SNTG2: variants seen among roughly 807,000 people sequenced by gnomAD.
SNTG2 encodes the protein syntrophin gamma 2, also known as gamma-2-syntrophin.
In SNTG2, 74 loss-of-function variants were observed where a neutral mutation model predicts 70.9. That is an observed-to-expected ratio of 1.04 (90% CI 0.86 to 1.27). The LOEUF (loss-of-function observed/expected upper bound fraction) is 1.27. Ranked by LOEUF, SNTG2 falls within the 50% of genes most tolerant of loss-of-function variation. The probability of loss-of-function intolerance (pLI) is 0.00; values close to 1 mark genes in which losing one functional copy is unlikely to be tolerated. For missense variants in SNTG2, 717 were observed against 690.7 expected (o/e 1.04, Z -0.43); for synonymous variants, 278 against 273.8 (o/e 1.02, Z -0.15).
intron 8 of SNTG2, among the ~76,000 whole-genome samples, chr2:1,175,310 G>C (rs563481059): frequency 6.6e-6 from 1 of 152,286 alleles, no homozygotes; most frequent in South Asian, 2.1e-4. Flanking sequence ...AATATCAATG[G>C]CAATATCACA....
rs73908977 is a variant in SNTG2 at position 1,259,994 on chromosome 2, C to T, written c.1077+553C>T. On this transcript the variant is annotated intron_variant, in intron 13 of 16. Transcript: ENST00000308624. ...GTGTCTCCACAGCAAGGCGACGATGCGCTCACCGTGGCCGGGTGCCACCGT... is the reference window on the plus strand; with the variant it reads ...GTGTCTCCACAGCAAGGCGACGATGTGCTCACCGTGGCCGGGTGCCACCGT... Among the ~76,000 whole-genome samples the T allele has an allele frequency of 6.1e-3, 931 of 152,324 alleles. 10 individuals are homozygous for T. The highest frequency in any genetic ancestry group is 0.021 in the African/African-American group (881 of 41,574).
intron 8 of SNTG2, among the ~76,000 whole-genome samples, chr2:1,178,459 T>G (rs908690235): frequency 6.6e-6 from 1 of 152,158 alleles, no homozygotes; most frequent in Non-Finnish European, 1.5e-5. Flanking sequence ...TAGCTCTTAT[T>G]ATTTTGAGAT....
At chr2:985,056 C>G (rs546301209) in intron 1 of SNTG2, among the ~76,000 whole-genome samples, 1 of 152,216 alleles carries the variant, frequency 6.6e-6, no homozygotes, top group South Asian at 2.1e-4. Flanking sequence ...AAACAATCAC[C>G]TCAATTTGTG....
At chr2:1,273,767 A>G (rs1679154774) in intron 14 of SNTG2, among the ~76,000 whole-genome samples, 1 of 151,980 alleles carries the variant, frequency 6.6e-6, no homozygotes, top group African/African-American at 2.4e-5. Context: ...TTTCTCAGAT[A>G]CAAAACCAGA....
At chr2:991,268 A>G (rs62106780) in intron 1 of SNTG2, among the ~76,000 whole-genome samples, 13,192 of 152,084 alleles carry the variant, frequency 0.087, 754 homozygotes, top group South Asian at 0.21. Flanking sequence ...TGAATGCCAC[A>G]ACCTCAAAGA....
chr2:1,177,667 T>G (rs1671573830), intron 8 of SNTG2, among the ~76,000 whole-genome samples: 1 of 150,726 alleles, frequency 6.6e-6, no homozygotes, highest in Non-Finnish European at 1.5e-5. Context: ...CAAACGTGCT[T>G]CAAAAGAAAA....
intron 1 of SNTG2, among the ~76,000 whole-genome samples, chr2:1,079,991 G>A (rs1346304865): frequency 6.6e-6 from 1 of 152,206 alleles, no homozygotes; most frequent in Non-Finnish European, 1.5e-5. Context: ...TGCTCACCAC[G>A]CATCTGCCAC....
intron 13 of SNTG2, among the ~76,000 whole-genome samples, chr2:1,261,610 C>T (rs1031256409): frequency 6.6e-6 from 1 of 152,132 alleles, no homozygotes; most frequent in Admixed American, 6.5e-5. Flanking sequence ...CACTATGGAG[C>T]GTCCTGTGTG....
chr2:1,021,936 CTTTTTTTT>C (rs71392556), intron 1 of SNTG2, among the ~76,000 whole-genome samples: 1 of 121,142 alleles, frequency 8.3e-6, no homozygotes, highest in African/African-American at 3.2e-5. Flanking sequence ...GTTTTATGTG[CTTTTTTTT>C]TTTTTTTTTT....
chr2:1,267,664 G>C (rs1010014155), intron 14 of SNTG2, 93 bp downstream of exon 14: 1 of 1,159,400 alleles, frequency 8.6e-7, no homozygotes, highest in Non-Finnish European at 1.2e-6. Context: ...CGGGGGAAAA[G>C]AGGAATCTTC....
Position 1,317,860 on chromosome 2 carries a change from TA to T in SNTG2, c.1488+1486del, listed in dbSNP as rs895391677. Among the ~76,000 whole-genome samples, 2 of 152,252 alleles carry T rather than the reference TA, an allele frequency of 1.3e-5. 1 individual carries two copies. The highest frequency in any genetic ancestry group is 4.8e-5 in the African/African-American group (2 of 41,478). On this transcript the variant is annotated intron_variant, in intron 16 of 16. Transcript: ENST00000308624. ...GGATGTTTCCTGTTAGAGAGACGTT[TA>T]TATCCTAAAATGGTGACCATTGAAA...
intron 1 of SNTG2, among the ~76,000 whole-genome samples, chr2:1,081,910 G>A (rs978054699): frequency 6.6e-6 from 1 of 152,250 alleles, no homozygotes; most frequent in African/African-American, 2.4e-5. Context: ...AGATAGTCAC[G>A]TGTGACAGTG....
chr2:1,114,785 G>A (rs999030148), intron 4 of SNTG2, among the ~76,000 whole-genome samples: 2 of 152,084 alleles, frequency 1.3e-5, no homozygotes, highest in Admixed American at 6.5e-5. Context: ...AGGATCGTGT[G>A]TACTAAGGGA....
At chr2:1,134,966 G>C (rs6743683) in intron 4 of SNTG2, among the ~76,000 whole-genome samples, 75,625 of 152,054 alleles carry the variant, frequency 0.5, 19,629 homozygotes, top group East Asian at 0.65. Context: ...GCTGGCCAGG[G>C]GGCTAAGCCC....
intron 1 of SNTG2, among the ~76,000 whole-genome samples, chr2:994,032 G>GT (rs1661593303): frequency 6.6e-6 from 1 of 151,768 alleles, no homozygotes. Flanking sequence ...TTTTGCTATA[G>GT]TTTTTTTCTT....
chr2:984,752 G>A (rs1042262389), intron 1 of SNTG2, among the ~76,000 whole-genome samples: 1 of 152,174 alleles, frequency 6.6e-6, no homozygotes, highest in Non-Finnish European at 1.5e-5. Flanking sequence ...TGTTCTCAGC[G>A]GGGAAGACGA....
At chr2:1,159,754 C>A (rs529585733) in intron 6 of SNTG2, among the ~76,000 whole-genome samples, 1 of 152,218 alleles carries the variant, frequency 6.6e-6, no homozygotes, top group African/African-American at 2.4e-5. Context: ...GAAGAGAAAA[C>A]ATAGAGGACA....
intron 16 of SNTG2, among the ~76,000 whole-genome samples, chr2:1,348,945 T>G (rs574218353): frequency 6.6e-6 from 1 of 152,338 alleles, no homozygotes; most frequent in African/African-American, 2.4e-5. Flanking sequence ...TCTTGACTGA[T>G]GCACAAAACA....
chr2:1,050,803 C>G (rs1662014717), intron 1 of SNTG2, among the ~76,000 whole-genome samples: 1 of 152,184 alleles, frequency 6.6e-6, no homozygotes. Context: ...AATCCATAAA[C>G]AAGATCTAGT....
Sources: gnomAD v4.1 joint callset for allele counts (sites outside exome capture counted in the v4.1 genomes callset) on GRCh38, gnomAD v4.1.1 for gene constraint, MANE v1.5 for transcripts, NCBI Gene and HGNC (gene_info 2026-07-23, HGNC 2026-07-21) for gene names.